Variants in BRAF observed in about 807,000 individuals in gnomAD.
BRAF encodes the protein serine/threonine-protein kinase B-raf.
A neutral mutation model predicts 104.6 loss-of-function variants in BRAF; 16 were observed. That is an observed-to-expected ratio of 0.15 (90% CI 0.10 to 0.23). BRAF has a LOEUF of 0.23. Among genes scored for constraint, BRAF ranks in the 10% least tolerant of loss-of-function variants. The pLI, the probability that BRAF is intolerant of heterozygous loss-of-function variation, is 1.00. For synonymous variants in BRAF, 310 were observed against 341.6 expected, an observed-to-expected ratio of 0.91 and a Z score of 1.02; for missense variants, 541 against 937.3, an observed-to-expected ratio of 0.58 and a Z score of 5.52.
At chr7:140,779,121 A>G (rs1002236901) in intron 12 of BRAF, among the ~76,000 whole-genome samples, 3 of 152,256 alleles carry the variant, frequency 2.0e-5, no homozygotes, top group African/African-American at 7.2e-5. Flanking sequence ...GACACAAAAG[A>G]GTACACACTA....
intron 1 of BRAF, among the ~76,000 whole-genome samples, chr7:140,864,658 T>G (rs1326860684): frequency 6.6e-6 from 1 of 152,042 alleles, no homozygotes; most frequent in Non-Finnish European, 1.5e-5. Flanking sequence ...GTTAAGAAAA[T>G]TTATTAGATA....
chr7:140,721,747 A>T lies in BRAF; in HGVS notation c.*4747T>A. Reference sequence around the variant, plus strand: ...TGGACTTTCTCTTTCAATGGTGAGGAATGAAACAAGATACAAGAACCACAG... The same window carrying T: ...TGGACTTTCTCTTTCAATGGTGAGGTATGAAACAAGATACAAGAACCACAG... On this transcript the variant is annotated 3_prime_UTR_variant, in exon 20 of 20. Coordinates refer to ENST00000644969, the MANE Select transcript of BRAF (RefSeq NM_001374258.1). The T allele has an allele frequency of 6.6e-7, 1 of 1,505,470 alleles. No homozygotes were observed. Among genetic ancestry groups the T allele is most frequent in the Non-Finnish European group, 8.8e-7 (1 of 1,132,862 alleles). 93.3% of individuals were successfully genotyped at this position (1,505,470 alleles called of 1,614,324 possible). A position where few individuals can be genotyped will look rare whatever the true frequency, so the allele number is the denominator to read the frequency against.
intron 1 of BRAF, among the ~76,000 whole-genome samples, chr7:140,876,907 T>TC (rs1563011036): frequency 6.6e-6 from 1 of 151,990 alleles, no homozygotes; most frequent in Non-Finnish European, 1.5e-5. Context: ...AGACAAACTT[T>TC]CACAAGCTTA....
intron 1 of BRAF, among the ~76,000 whole-genome samples, chr7:140,882,036 C>T (rs1313783736): frequency 6.6e-6 from 1 of 152,008 alleles, no homozygotes; most frequent in African/African-American, 2.4e-5. Context: ...GGAAAAATGG[C>T]GCTAACAGAC....
At chr7:140,871,529 C>T (rs927686153) in intron 1 of BRAF, among the ~76,000 whole-genome samples, 1 of 152,118 alleles carries the variant, frequency 6.6e-6, no homozygotes, top group African/African-American at 2.4e-5. Flanking sequence ...CCAGAAGAAA[C>T]TCACTTAAGT....
chr7:140,850,329 G>A, intron 1 of BRAF, 117 bp from the exon 2 acceptor site: 2 of 798,520 alleles, frequency 2.5e-6, no homozygotes, highest in East Asian at 2.7e-5. Flanking sequence ...TTTGAGCTTA[G>A]AGATCATTTA....
chr7:140,859,375 T>C (rs1276128565), intron 1 of BRAF, among the ~76,000 whole-genome samples: 1 of 152,188 alleles, frequency 6.6e-6, no homozygotes, highest in East Asian at 1.9e-4. Flanking sequence ...CTTTCCACAG[T>C]ACATAGTTCT....
chr7:140,858,444 C>T (rs1810041573), intron 1 of BRAF, among the ~76,000 whole-genome samples: 1 of 152,126 alleles, frequency 6.6e-6, no homozygotes, highest in Non-Finnish European at 1.5e-5. Context: ...AAGTCAAAGC[C>T]TTGGCAATTG....
rs1354424723 is a variant in BRAF at position 140,729,324 on chromosome 7, A to G, written c.2402-2808T>C. On this transcript the variant is annotated intron_variant, in intron 19 of 19. Transcript: ENST00000644969. ...AAATTTCATTTTGTTGAAGTGTCAT[A>G]CTCCACAAACTTAAATATTAGTCTT... Among the ~76,000 whole-genome samples the G allele has an allele frequency of 2.0e-5, 3 of 152,036 alleles. No homozygotes were observed. The East Asian group carries it at 5.8e-4, about 29-fold the overall frequency.
intron 3 of BRAF, among the ~76,000 whole-genome samples, chr7:140,830,026 A>G (rs186073984): frequency 6.6e-6 from 1 of 152,322 alleles, no homozygotes; most frequent in African/African-American, 2.4e-5. Context: ...CAAAATACTT[A>G]TTAACTCTAG....
intron 19 of BRAF, among the ~76,000 whole-genome samples, chr7:140,729,488 T>C (rs770261220): frequency 5.5e-5 from 8 of 145,428 alleles, no homozygotes; most frequent in Non-Finnish European, 7.5e-5. Context: ...CTACTAAAAA[T>C]ACAAAAATTA....
intron 1 of BRAF, among the ~76,000 whole-genome samples, chr7:140,854,059 G>T (rs1809498540): frequency 6.6e-6 from 1 of 152,128 alleles, no homozygotes; most frequent in Non-Finnish European, 1.5e-5. Flanking sequence ...TGCAGCTTCA[G>T]CCTCCCTGGC....
chr7:140,886,471 A>C (rs941543334), intron 1 of BRAF, among the ~76,000 whole-genome samples: 5 of 152,198 alleles, frequency 3.3e-5, no homozygotes, highest in Non-Finnish European at 7.4e-5. Context: ...ATCTCATCCC[A>C]GCCTACCTCC....
intron 1 of BRAF, among the ~76,000 whole-genome samples, chr7:140,915,785 CA>C (rs1279990007): frequency 1.3e-5 from 2 of 150,610 alleles, no homozygotes; most frequent in East Asian, 2.0e-4. Flanking sequence ...TTTTTAAAAA[CA>C]GATTAATTTT....
chr7:140,720,816 A>G lies in BRAF; in HGVS notation c.*5678T>C. On this transcript the variant is annotated 3_prime_UTR_variant, in exon 20 of 20. Transcript: ENST00000644969. ...ACAAAAATGCAACGCAGTAATTTTC[A>G]AAACAAAACCAGGACTAAGCAACTT... 2 of 1,066,174 alleles carry G rather than the reference A, an allele frequency of 1.9e-6. No homozygotes were observed. Among genetic ancestry groups the G allele is most frequent in the Non-Finnish European group, 2.3e-6 (2 of 879,816 alleles). 66.0% of individuals were successfully genotyped at this position (1,066,174 alleles called of 1,614,324 possible).
chr7:140,863,135 G>C (rs974369300), intron 1 of BRAF, among the ~76,000 whole-genome samples: 1 of 151,876 alleles, frequency 6.6e-6, no homozygotes, highest in Non-Finnish European at 1.5e-5. Flanking sequence ...AAAAGGAGTA[G>C]GCCTCTCGTC....
chr7:140,764,217 T>G (rs1799074614), intron 14 of BRAF, among the ~76,000 whole-genome samples: 2 of 151,684 alleles, frequency 1.3e-5, no homozygotes, highest in Admixed American at 1.3e-4. Flanking sequence ...TCTCAATAGA[T>G]GCAGAAAAGG....
At chr7:140,877,870 A>G (rs538842880) in intron 1 of BRAF, among the ~76,000 whole-genome samples, 6 of 152,272 alleles carry the variant, frequency 3.9e-5, no homozygotes, top group African/African-American at 1.4e-4. Flanking sequence ...TCTTGTAACT[A>G]TTAAGGAAAT....
At position 140,782,942 on chromosome 7, in the gene BRAF, T is replaced by G. The variant is rs577351922; in HGVS notation, c.1434+79A>C. On this transcript the variant is annotated intron_variant, in intron 11 of 19. Coordinates refer to ENST00000644969, the MANE Select transcript of BRAF (RefSeq NM_001374258.1). ...CTGTGTCACATATGGACATAATATATCTAAAGGATAATATTACATTTGGCT... is the reference window on the plus strand; with the variant it reads ...CTGTGTCACATATGGACATAATATAGCTAAAGGATAATATTACATTTGGCT... 116 of 1,491,118 alleles carry G rather than the reference T, an allele frequency of 7.8e-5. No homozygotes were observed. In the African/African-American group the frequency reaches 1.4e-3, roughly 18 times the overall value. 92.4% of individuals were successfully genotyped at this position (1,491,118 alleles called of 1,614,324 possible).
Sources: allele counts gnomAD v4.1 joint callset (sites outside exome capture counted in the v4.1 genomes callset), GRCh38; gene constraint gnomAD v4.1.1; transcripts MANE v1.5; gene names NCBI Gene and HGNC (gene_info 2026-07-23, HGNC 2026-07-21).